The following ATRN variants were observed in gnomAD, a reference collection of about 807,000 sequenced individuals.
The protein encoded by ATRN is attractin.
A neutral mutation model predicts 178.7 loss-of-function variants in ATRN; 54 were observed. The observed-to-expected ratio is 0.30, with a 90% CI of 0.24 to 0.38. The LOEUF (loss-of-function observed/expected upper bound fraction) is 0.38. Ranked by LOEUF, ATRN falls within the 10% of genes least tolerant of loss-of-function variation. The pLI, the probability that ATRN is intolerant of heterozygous loss-of-function variation, is 1.00. For missense variants in ATRN, 1,443 were observed against 1,815.1 expected (o/e 0.79, Z 3.73); for synonymous variants, 636 against 663.0 (o/e 0.96, Z 0.63).
At chr20:3,471,610 A>G in intron 1 of ATRN, 93 bp downstream of exon 1, 1 of 1,341,412 alleles carries the variant, frequency 7.5e-7, no homozygotes, top group Non-Finnish European at 9.5e-7. Context: ...GAGATGCTGG[A>G]CAGAAAGTGG....
In ATRN at chr20:3,582,187, A is replaced by G. The variant is rs1193266031; in HGVS notation, c.2597A>G (p.Tyr866Cys). ...WVGLRKINVS[Y>C]WCWEDMSPFT... Reference sequence around the variant, plus strand: ...GGCCTTCGGAAGATCAATGTGTCCTACTGGTGCTGGGAAGATATGTCCCCA... The same window carrying G: ...GGCCTTCGGAAGATCAATGTGTCCTGCTGGTGCTGGGAAGATATGTCCCCA... Residue 866 changes from tyrosine to cysteine, a missense_variant, in exon 16 of 29, where the codon TAC becomes TGC. Tyr to Cys is a radical substitution (Grantham distance 194). Coordinates refer to ENST00000262919, the MANE Select transcript of ATRN (RefSeq NM_139321.3). 6.2e-7 allele frequency: 1 copy of G among 1,614,072 alleles called. No homozygotes were observed. The highest frequency in any genetic ancestry group is 2.2e-5 in the East Asian group (1 of 44,894).
intron 7 of ATRN, among the ~76,000 whole-genome samples, chr20:3,560,107 G>A (rs888454683): frequency 3.3e-5 from 5 of 151,894 alleles, no homozygotes; most frequent in Admixed American, 6.6e-5. Context: ...ACAGTTTGGT[G>A]GTAATAAATA....
At chr20:3,546,996 T>A (rs1319033376) in intron 4 of ATRN, among the ~76,000 whole-genome samples, 1 of 152,236 alleles carries the variant, frequency 6.6e-6, no homozygotes, top group Non-Finnish European at 1.5e-5. Context: ...AGCTAACAGT[T>A]CTGCACAAAT....
chr20:3,573,041 T>TA (rs1331240358), intron 12 of ATRN, 90 bp downstream of exon 12: 2 of 1,142,354 alleles, frequency 1.8e-6, no homozygotes, highest in Non-Finnish European at 2.5e-6. Flanking sequence ...GTATACTTTT[T>TA]ATGTTTACCT....
chr20:3,491,072 G>C, intron 1 of ATRN: 2 of 788,624 alleles, frequency 2.5e-6, no homozygotes, highest in East Asian at 2.5e-5. Flanking sequence ...TAAAGGAAAT[G>C]CAGTGGACTT....
intron 11 of ATRN, among the ~76,000 whole-genome samples, chr20:3,570,031 G>C (rs1009900446): frequency 6.6e-6 from 1 of 150,814 alleles, no homozygotes; most frequent in Admixed American, 6.6e-5. Context: ...TGATGGTGCT[G>C]TTGCACTCCA....
intron 24 of ATRN, among the ~76,000 whole-genome samples, chr20:3,615,538 C>CTTTTCTT (rs1214221318): frequency 2.7e-5 from 4 of 149,188 alleles, no homozygotes; most frequent in Admixed American, 6.7e-5. Flanking sequence ...CAGTTTAATT[C>CTTTTCTT]TTTTCTTTTT....
chr20:3,608,955 G>T (rs1286516735), intron 24 of ATRN, among the ~76,000 whole-genome samples: 5 of 137,078 alleles, frequency 3.6e-5, no homozygotes, highest in African/African-American at 1.4e-4. Flanking sequence ...CAAACAAAGC[G>T]AGACTCTGTC....
chr20:3,527,771 G>GTTCAT (rs1452248931), intron 1 of ATRN, among the ~76,000 whole-genome samples: 1 of 152,154 alleles, frequency 6.6e-6, no homozygotes, highest in Non-Finnish European at 1.5e-5. Flanking sequence ...GTCCTTTGCA[G>GTTCAT]GGACATGATG....
At chr20:3,615,935 C>T (rs1320577671) in intron 24 of ATRN, 3 of 390,256 alleles carry the variant, frequency 7.7e-6, no homozygotes, top group Non-Finnish European at 1.6e-5. Flanking sequence ...GGGGATATAC[C>T]TAATGTTAAA....
At position 3,549,272 on chromosome 20, in the gene ATRN, A is replaced by G; in HGVS notation, c.1046A>G (p.Asn349Ser). Reference protein sequence around the residue: ...LPRASHKAVVNGNIMWVVGGY... With the variant: ...LPRASHKAVVSGNIMWVVGGY... ...AGAGCATCTCATAAAGCTGTGGTCAATGGAAACATTATGTGGGTTGTTGGA... is the reference window on the plus strand; with the variant it reads ...AGAGCATCTCATAAAGCTGTGGTCAGTGGAAACATTATGTGGGTTGTTGGA... Residue 349 changes from asparagine to serine, a missense_variant, in exon 6 of 29, where the codon AAT becomes AGT. This residue lies in a region of ATRN where 862 missense variants were observed against 972.1 expected (regional missense o/e 0.89). Transcript: ENST00000262919. 3.1e-6 allele frequency: 5 copies of G among 1,610,420 alleles called. No homozygotes were observed. Among genetic ancestry groups the G allele is most frequent in the South Asian group, 1.1e-5 (1 of 90,108 alleles).
At chr20:3,646,548 G>A (rs1480481993) in intron 28 of ATRN, among the ~76,000 whole-genome samples, 175 bp from the exon 29 acceptor site, 1 of 152,174 alleles carries the variant, frequency 6.6e-6, no homozygotes, top group Non-Finnish European at 1.5e-5. Context: ...GGAGGGTCAG[G>A]GTGGAAGGAA....
chr20:3,588,989 T>TTTTG lies in ATRN; in HGVS notation c.3185-2177_3185-2176insGTTT, dbSNP rs1555821617. Reference sequence around the variant, plus strand: ...TCGTAGTATTTTCTTTTGTTTTTTTTTTTTTTTTTTTGAGACAGAGTCTCA... The same window carrying TTTTG: ...TCGTAGTATTTTCTTTTGTTTTTTTTTTTGTTTTTTTTTTTGAGACAGAGTCTCA... On this transcript the variant is annotated intron_variant, in intron 18 of 28. Coordinates refer to ENST00000262919, the MANE Select transcript of ATRN (RefSeq NM_139321.3). Among the ~76,000 whole-genome samples, 163 of 137,744 alleles carry TTTTG rather than the reference T, an allele frequency of 1.2e-3. 6 individuals are homozygous for TTTTG. Among genetic ancestry groups the TTTTG allele is most frequent in the Admixed American group, 6.6e-3 (91 of 13,736 alleles). The allele number at this position is 137,744 out of a possible 152,430, so 90.4% of individuals were successfully genotyped here.
chr20:3,560,871 T>C lies in ATRN; in HGVS notation c.1413T>C (p.Tyr471=). The change falls in exon 8 of 29, where the codon TAT becomes TAC. Residue 471 remains tyrosine (Y), a synonymous_variant. Transcript: ENST00000262919. ...MLVIFGHCPL[Y]GYISNVQEYD... ...TCATCTTTGGTCACTGCCCTCTCTA[T>C]GGATATATAAGCAATGTGCAGGAAT... is the stretch of plus-strand genomic sequence containing the variant. 1 of 1,614,128 alleles carries C rather than the reference T, an allele frequency of 6.2e-7. No individual in the cohort carries two copies. Among genetic ancestry groups the C allele is most frequent in the Non-Finnish European group, 8.5e-7 (1 of 1,180,002 alleles).
At chr20:3,601,670 C>A (rs1249460702) in intron 23 of ATRN, among the ~76,000 whole-genome samples, 1 of 147,026 alleles carries the variant, frequency 6.8e-6, no homozygotes, top group Non-Finnish European at 1.5e-5. Flanking sequence ...TAAGACCAGC[C>A]TGGGCAACAT....
At chr20:3,618,532 A>G (rs1315923635) in intron 24 of ATRN, among the ~76,000 whole-genome samples, 2 of 152,218 alleles carry the variant, frequency 1.3e-5, no homozygotes, top group African/African-American at 4.8e-5. Flanking sequence ...AGTGTGATAG[A>G]ATAGGAATTC....
chr20:3,474,873 A>G (rs935822533), intron 1 of ATRN, among the ~76,000 whole-genome samples: 2 of 151,444 alleles, frequency 1.3e-5, no homozygotes, highest in African/African-American at 4.9e-5. Flanking sequence ...TCTACTAAAA[A>G]TACAAAAAAT....
At chr20:3,568,068 A>C (rs981968930) in intron 11 of ATRN, among the ~76,000 whole-genome samples, 13 of 152,032 alleles carry the variant, frequency 8.6e-5, no homozygotes, top group African/African-American at 3.1e-4. Flanking sequence ...AGGCGGGTGG[A>C]TCACGAGGTC....
rs35929981 is a variant in ATRN at position 3,558,673 on chromosome 20, TA to T, written c.1113-712del. Among the ~76,000 whole-genome samples, 921 of 151,932 alleles carry T rather than the reference TA, an allele frequency of 6.1e-3. 7 individuals carry two copies. The highest frequency in any genetic ancestry group is 0.02 in the Middle Eastern group (5 of 248). On this transcript the variant is annotated intron_variant, in intron 6 of 28. Transcript: ENST00000262919. ...CTAGATCATGGAATGTGGCATCTTT[TA>T]AAAAAAACTTTTAGCTCTTTATTCT... is the stretch of plus-strand genomic sequence containing the variant.
Sources: allele counts gnomAD v4.1 joint callset (sites outside exome capture counted in the v4.1 genomes callset), GRCh38; gene constraint gnomAD v4.1.1; regional missense constraint gnomAD v4.1.1; transcripts MANE v1.5; gene names NCBI Gene and HGNC (gene_info 2026-07-23, HGNC 2026-07-21).